The following GAPVD1 variants were observed in gnomAD, a reference collection of about 807,000 sequenced individuals.
GAPVD1 encodes GTPase activating protein and VPS9 domains 1, also known as GTPase-activating protein and VPS9 domain-containing protein 1.
Under a neutral mutation model 155.5 loss-of-function variants are expected in GAPVD1, and 35 were observed. That is an observed-to-expected ratio of 0.23 (90% CI 0.17 to 0.30). The LOEUF (loss-of-function observed/expected upper bound fraction) is 0.30, where lower values mean the gene tolerates loss of function less well. Among genes scored for constraint, GAPVD1 ranks in the 10% least tolerant of loss-of-function variants. The probability of loss-of-function intolerance (pLI) is 1.00; values close to 1 mark genes in which losing one functional copy is unlikely to be tolerated. For synonymous variants in GAPVD1, 636 were observed against 619.7 expected (o/e 1.03, Z -0.39); for missense variants, 1,429 against 1,775.7 (o/e 0.80, Z 3.51).
At chr9:125,362,329 A>G (rs369745128) in intron 27 of GAPVD1, among the ~76,000 whole-genome samples, 32 of 152,348 alleles carry the variant, frequency 2.1e-4, no homozygotes, top group South Asian at 2.1e-3. Flanking sequence ...CACAGAGATT[A>G]GTTCAGCCTT....
intron 2 of GAPVD1, among the ~76,000 whole-genome samples, chr9:125,269,589 C>A (rs1834544117): frequency 6.7e-6 from 1 of 148,850 alleles, no homozygotes; most frequent in African/African-American, 2.5e-5. Context: ...ATGCCCTGCT[C>A]ATTTTTTATA....
chr9:125,293,317 G>T (rs1688255571), intron 2 of GAPVD1, among the ~76,000 whole-genome samples: 1 of 152,074 alleles, frequency 6.6e-6, no homozygotes, highest in Non-Finnish European at 1.5e-5. Flanking sequence ...GTAGTGACTT[G>T]TAATTTCCTT....
At chr9:125,267,621 C>T (rs1834181243) in intron 1 of GAPVD1, among the ~76,000 whole-genome samples, 1 of 152,072 alleles carries the variant, frequency 6.6e-6, no homozygotes, top group Non-Finnish European at 1.5e-5. Context: ...GTTGATCAGG[C>T]TGGTCTTGAA....
rs1293263998 is a variant in GAPVD1, at chr9:125,365,409, G to A, written c.*2663G>A. 6.6e-6 allele frequency: 1 copy of A among 151,022 alleles called. No homozygotes were observed. The highest frequency in any genetic ancestry group is 1.5e-5 in the Non-Finnish European group (1 of 67,918). The allele number at this position is 151,022 out of a possible 1,614,324, so 9.4% of individuals were successfully genotyped here. A position where few individuals can be genotyped will look rare whatever the true frequency, so the allele number is the denominator to read the frequency against. On this transcript the variant is annotated 3_prime_UTR_variant, in exon 28 of 28. Coordinates refer to ENST00000297933, the MANE Select transcript of GAPVD1 (RefSeq NM_001282680.3). ...CTTCCAGTACTTTCTTTACATGAAAGATTAGTGTAAAAGTACAAAATCAGC... is the reference window on the plus strand; with the variant it reads ...CTTCCAGTACTTTCTTTACATGAAAAATTAGTGTAAAAGTACAAAATCAGC...
intron 15 of GAPVD1, chr9:125,335,198 C>A (rs1450259834): frequency 1.3e-6 from 1 of 771,160 alleles, no homozygotes. Context: ...TCAGCCAAAA[C>A]AACATTTTCA....
In GAPVD1 at chr9:125,355,775, C is replaced by T. The variant is rs769557020; in HGVS notation, c.3889C>T (p.Leu1297=). Residue 1297 remains leucine (L), a synonymous_variant, in exon 25 of 28, where the codon CTG becomes TTG. Coordinates refer to ENST00000297933, the MANE Select transcript of GAPVD1 (RefSeq NM_001282680.3). ...TGAAGAACAGCTTCAAGATGCACAG[C>T]TGGCCATTGAGCGAAGCGTGATGAA... The part of the protein sequence containing the change: ...ASEEQLQDAQ[L]AIERSVMNRI... The T allele has an allele frequency of 1.1e-5, 18 of 1,613,004 alleles. No homozygotes were observed. The highest frequency in any genetic ancestry group is 1.4e-5 in the Non-Finnish European group (17 of 1,179,104).
chr9:125,349,048 T>G (rs1044195613), intron 20 of GAPVD1, among the ~76,000 whole-genome samples: 30 of 152,186 alleles, frequency 2.0e-4, no homozygotes, highest in Non-Finnish European at 1.3e-4. Context: ...ATAAAATGAT[T>G]TTTGAAGCCT....
At chr9:125,326,794 C>T (rs1362833225) in intron 12 of GAPVD1, among the ~76,000 whole-genome samples, 1 of 151,328 alleles carries the variant, frequency 6.6e-6, no homozygotes, top group Admixed American at 6.6e-5. Flanking sequence ...TACATTTAAT[C>T]CCACCCCTTA....
intron 4 of GAPVD1, among the ~76,000 whole-genome samples, chr9:125,300,302 C>T (rs1840671659): frequency 6.7e-6 from 1 of 149,846 alleles, no homozygotes; most frequent in Non-Finnish European, 1.5e-5. Context: ...CTGCCTCAGC[C>T]TCCTGAGTAG....
chr9:125,301,533 C>T (rs1840865777), intron 4 of GAPVD1, among the ~76,000 whole-genome samples: 1 of 151,924 alleles, frequency 6.6e-6, no homozygotes, highest in African/African-American at 2.4e-5. Flanking sequence ...ACTGCAACCT[C>T]TACCTTCTGG....
At chr9:125,289,508 C>T (rs1334608443) in intron 2 of GAPVD1, among the ~76,000 whole-genome samples, 2 of 151,896 alleles carry the variant, frequency 1.3e-5, no homozygotes, top group Non-Finnish European at 2.9e-5. Context: ...ATAGGATTTA[C>T]GAGAAAGAAG....
chr9:125,276,816 T>G (rs1198200636), intron 2 of GAPVD1, among the ~76,000 whole-genome samples: 5 of 152,194 alleles, frequency 3.3e-5, no homozygotes, highest in Admixed American at 6.6e-5. Flanking sequence ...TGAAGAGCAG[T>G]GGGACCATCA....
At chr9:125,335,355 G>T in intron 15 of GAPVD1, 1 of 492,646 alleles carries the variant, frequency 2.0e-6, no homozygotes, top group South Asian at 3.6e-5. Flanking sequence ...ATGCTTTTTT[G>T]TGTTACCATT....
intron 2 of GAPVD1, chr9:125,287,826 T>A (rs752020895): frequency 6.6e-6 from 1 of 151,114 alleles, no homozygotes; most frequent in African/African-American, 2.4e-5. Context: ...CTGCAACCTC[T>A]GCCTCCCAGG....
chr9:125,332,418 C>T (rs1245205099), intron 14 of GAPVD1, 92 bp from the exon 15 acceptor site: 8 of 1,035,736 alleles, frequency 7.7e-6, no homozygotes, highest in Non-Finnish European at 4.3e-6. Context: ...ACACAAAATT[C>T]GAGAATGTTT....
chr9:125,296,594 T>A (rs1839917864), intron 3 of GAPVD1, among the ~76,000 whole-genome samples: 1 of 148,316 alleles, frequency 6.7e-6, no homozygotes, highest in African/African-American at 2.5e-5. Context: ...TCTCAGGTGA[T>A]CCCCTTGCCT....
chr9:125,328,211 T>C (rs1161759911), intron 12 of GAPVD1, among the ~76,000 whole-genome samples: 1 of 148,888 alleles, frequency 6.7e-6, no homozygotes, highest in East Asian at 1.9e-4. Flanking sequence ...TTTTTAAATT[T>C]ATTTTTTTAT....
chr9:125,342,354 A>G lies in GAPVD1; in HGVS notation c.3046+55A>G, dbSNP rs904976075. 36 of 993,936 alleles carry G rather than the reference A, an allele frequency of 3.6e-5. No homozygotes were observed. The African/African-American group carries it at 5.6e-4, about 15-fold the overall frequency. The allele number at this position is 993,936 out of a possible 1,614,324, so 61.6% of individuals were successfully genotyped here. On this transcript the variant is annotated intron_variant, in intron 19 of 27. Transcript: ENST00000297933. ...TTCATTCCCAGAGCACATATTTCAT[A>G]ACACTTTTTCTTGGGTGCCATAAGC... is the stretch of plus-strand genomic sequence containing the variant.
intron 2 of GAPVD1, among the ~76,000 whole-genome samples, chr9:125,292,743 GAGA>G (rs1396933211): frequency 6.6e-6 from 1 of 152,104 alleles, no homozygotes; most frequent in Non-Finnish European, 1.5e-5. Context: ...GAATGGAGAG[GAGA>G]AGATCTTCTT....
Sources: gnomAD v4.1 joint callset for allele counts (sites outside exome capture counted in the v4.1 genomes callset) on GRCh38, gnomAD v4.1.1 for gene constraint, MANE v1.5 for transcripts, NCBI Gene and HGNC (gene_info 2026-07-23, HGNC 2026-07-21) for gene names.